SNX13: variants seen among roughly 807,000 people sequenced by gnomAD.
SNX13 encodes the protein sorting nexin 13, also known as sorting nexin-13.
SNX13 carries 45 observed loss-of-function variants against 133.6 expected under a neutral mutation model. The ratio of observed to expected loss-of-function variants is 0.34; its 90% CI spans 0.27 to 0.43. The LOEUF (loss-of-function observed/expected upper bound fraction) is 0.43, where lower values mean the gene tolerates loss of function less well. Ranked by LOEUF, SNX13 falls within the 20% of genes least tolerant of loss-of-function variation. SNX13 has a pLI of 1.00. For synonymous variants in SNX13, 414 were observed against 373.9 expected (o/e 1.11, Z -1.24); for missense variants, 1,032 against 1,145.1 (o/e 0.90, Z 1.43).
chr7:17,832,007 A>G (rs529162641), intron 15 of SNX13: 2 of 983,926 alleles, frequency 2.0e-6, no homozygotes, highest in African/African-American at 3.5e-5. Flanking sequence ...ATTTCACAGT[A>G]TAAAACTCAT....
intron 17 of SNX13, among the ~76,000 whole-genome samples, chr7:17,823,402 C>T (rs562937914): frequency 1.3e-5 from 2 of 152,146 alleles, no homozygotes; most frequent in African/African-American, 2.4e-5. Context: ...TTTGCTATTT[C>T]GTATATAACT....
In SNX13 at chr7:17,793,782, G is replaced by A. The variant is rs1426354342; in HGVS notation, c.*263C>T. The stretch of plus-strand genomic sequence containing the variant: ...TTAGTTTGAAATGGAAGAAACCAAC[G>A]CCATTCTTGCTTGAGATGGGGGCAG... On this transcript the variant is annotated 3_prime_UTR_variant, in exon 26 of 26. Transcript: ENST00000428135. The A allele has an allele frequency of 3.9e-5, 13 of 333,554 alleles. No individual in the cohort carries two copies. Among genetic ancestry groups the A allele is most frequent in the Admixed American group, 1.8e-4 (4 of 22,144 alleles). The allele number at this position is 333,554 out of a possible 1,614,324, so 20.7% of individuals were successfully genotyped here.
chr7:17,794,087 CTGTTTA>C lies in SNX13; in HGVS notation c.2826_2831del (p.Tyr942_Gln944delinsTer). On this transcript the variant is annotated stop_gained and inframe_deletion, in exon 26 of 26. Coordinates refer to ENST00000428135, the MANE Select transcript of SNX13 (RefSeq NM_015132.5). LOFTEE classifies it high-confidence loss of function. ...AAGGCGCTTGAGTAGTTTGAAGTTT[CTGTTTA>C]TATTTCTGCATCTGCTTTGACCGTG... The C allele has an allele frequency of 6.2e-7, 1 of 1,611,578 alleles. No individual in the cohort carries two copies.
chr7:17,834,147 G>T lies in SNX13; in HGVS notation c.1502C>A (p.Pro501His). 6.3e-7 allele frequency: 1 copy of T among 1,593,468 alleles called. No individual in the cohort carries two copies. The highest frequency in any genetic ancestry group is 2.2e-5 in the East Asian group (1 of 44,482). The change falls in exon 15 of 26, where the codon CCT becomes CAT. Residue 501 changes from proline to histidine, a missense_variant. Pro to His is a moderately conservative substitution (Grantham distance 77). Coordinates refer to ENST00000428135, the MANE Select transcript of SNX13 (RefSeq NM_015132.5). ...ATAAAGTGCATTCTGTCTGAAGGAA[G>T]GATAAAATCTTTCATCTCGTAGCAT... Reference protein sequence around the residue: ...ELMLRDERFYPSFRQNALYVR... With the variant: ...ELMLRDERFYHSFRQNALYVR...
In SNX13 at chr7:17,850,962, G is replaced by A. The variant is rs1317096421; in HGVS notation, c.840C>T (p.Ile280=). Residue 280 remains isoleucine (I), a splice_region_variant and synonymous_variant, in exon 10 of 26, where the codon ATC becomes ATT. Coordinates refer to ENST00000428135, the MANE Select transcript of SNX13 (RefSeq NM_015132.5). The part of the protein sequence containing the change: ...DYINQYVIWM[I]RDSNCNYEAF... ...CCTCATAGTTGCAGTTAGAATCACG[G>A]ATCTGAAAACAAGTTTAAGAAAAAC... 5.6e-6 allele frequency: 9 copies of A among 1,599,774 alleles called. No individual in the cohort carries two copies. Among genetic ancestry groups the A allele is most frequent in the Middle Eastern group, 1.7e-4 (1 of 6,028 alleles).
At chr7:17,832,230 AG>A (rs1339381829) in intron 15 of SNX13, 10 of 984,480 alleles carry the variant, frequency 1.0e-5, no homozygotes, top group Non-Finnish European at 1.2e-5. Context: ...GTATGATTTT[AG>A]GAAGTTTGAG....
intron 11 of SNX13, among the ~76,000 whole-genome samples, chr7:17,847,041 A>G (rs1282668183): frequency 3.9e-5 from 6 of 152,198 alleles, no homozygotes; most frequent in South Asian, 2.1e-4. Context: ...CAAAATATCT[A>G]AATTTTAAAA....
chr7:17,834,182 T>C lies in SNX13; in HGVS notation c.1467A>G (p.Val489=). Residue 489 remains valine, a splice_region_variant and synonymous_variant, in exon 15 of 26, where the codon GTA becomes GTG. Coordinates refer to ENST00000428135, the MANE Select transcript of SNX13 (RefSeq NM_015132.5). ...PEIFDDIQRK[V]YELMLRDERF... Reference sequence around the variant, plus strand: ...TTTCATCTCGTAGCATCAATTCATATACCTTGGTGAAATAAATCAAGATAT... The same window carrying C: ...TTTCATCTCGTAGCATCAATTCATACACCTTGGTGAAATAAATCAAGATAT... The C allele has an allele frequency of 1.9e-6, 3 of 1,563,946 alleles. No homozygotes were observed. The highest frequency in any genetic ancestry group is 2.4e-5 in the South Asian group (2 of 83,822).
Position 17,798,761 on chromosome 7 carries a change from G to GA in SNX13, c.2445-4dup. On this transcript the variant is annotated splice_polypyrimidine_tract_variant and splice_region_variant and intron_variant, in intron 23 of 25. Transcript: ENST00000428135. ...AGTCAACATGGTCAACTATTTTTCTGAAAGTAAATTAATGTAAATGAGGAA... is the reference window on the plus strand; with the variant it reads ...AGTCAACATGGTCAACTATTTTTCTGAAAAGTAAATTAATGTAAATGAGGAA... 6.5e-7 allele frequency: 1 copy of GA among 1,547,620 alleles called. No individual in the cohort carries two copies. Among genetic ancestry groups the GA allele is most frequent in the Non-Finnish European group, 8.7e-7 (1 of 1,151,890 alleles).
At chr7:17,864,554 A>G (rs944971648) in intron 9 of SNX13, among the ~76,000 whole-genome samples, 4 of 152,154 alleles carry the variant, frequency 2.6e-5, no homozygotes, top group African/African-American at 9.7e-5. Context: ...ATTGGCCTTA[A>G]AGAGGATGTA....
At chr7:17,930,247 A>T (rs1801244024) in intron 1 of SNX13, among the ~76,000 whole-genome samples, 1 of 152,208 alleles carries the variant, frequency 6.6e-6, no homozygotes, top group African/African-American at 2.4e-5. Flanking sequence ...TAAGTCACAC[A>T]TATAAGAAAA....
At chr7:17,898,526 A>C (rs1797467534) in intron 1 of SNX13, among the ~76,000 whole-genome samples, 1 of 152,210 alleles carries the variant, frequency 6.6e-6, no homozygotes, top group African/African-American at 2.4e-5. Flanking sequence ...TAAGGGATAA[A>C]ACATACCCCC....
intron 25 of SNX13, chr7:17,795,926 T>C (rs1014951777): frequency 2.6e-5 from 4 of 151,752 alleles, no homozygotes; most frequent in Admixed American, 6.6e-5. Flanking sequence ...TTTAATTTAA[T>C]TGACAGAAGA....
intron 1 of SNX13, among the ~76,000 whole-genome samples, chr7:17,906,553 C>G (rs1798420144): frequency 6.6e-6 from 1 of 152,094 alleles, no homozygotes; most frequent in Non-Finnish European, 1.5e-5. Flanking sequence ...ATCACACCTC[C>G]TTTACTCAGG....
intron 1 of SNX13, among the ~76,000 whole-genome samples, chr7:17,906,678 C>G (rs1446741136): frequency 1.3e-5 from 2 of 152,090 alleles, no homozygotes; most frequent in Non-Finnish European, 2.9e-5. Context: ...TAATTTTTAA[C>G]TGTAAGATCT....
intron 1 of SNX13, among the ~76,000 whole-genome samples, chr7:17,925,164 A>C (rs555948870): frequency 3.3e-5 from 5 of 152,194 alleles, no homozygotes. Context: ...CAGTGAGCCG[A>C]TATCATGCCA....
chr7:17,851,470 T>C (rs1791203328), intron 9 of SNX13, among the ~76,000 whole-genome samples: 2 of 151,932 alleles, frequency 1.3e-5, no homozygotes, highest in African/African-American at 4.8e-5. Flanking sequence ...ATAAGACAAG[T>C]GAAATATAAT....
intron 20 of SNX13, among the ~76,000 whole-genome samples, chr7:17,805,242 TGTGTGTGTGCGTGC>T (rs1464357185): frequency 9.1e-6 from 1 of 109,430 alleles, no homozygotes; most frequent in Non-Finnish European, 2.1e-5. Flanking sequence ...TGTGTGTGTG[TGTGTGTGTGCGTGC>T]GCGCGCGCGC....
At chr7:17,844,649 A>T (rs1211648657) in intron 12 of SNX13, among the ~76,000 whole-genome samples, 4 of 152,080 alleles carry the variant, frequency 2.6e-5, no homozygotes, top group African/African-American at 9.7e-5. Flanking sequence ...AATCCTCCAT[A>T]AAATACTAGC....
Sources: gnomAD v4.1 joint callset for allele counts (sites outside exome capture counted in the v4.1 genomes callset) on GRCh38, gnomAD v4.1.1 for gene constraint, MANE v1.5 for transcripts, NCBI Gene and HGNC (gene_info 2026-07-23, HGNC 2026-07-21) for gene names.